HNRNPUL1: variants seen among roughly 807,000 people sequenced by gnomAD.
The protein encoded by HNRNPUL1 is heterogeneous nuclear ribonucleoprotein U-like protein 1.
In HNRNPUL1, 14 loss-of-function variants were observed where a neutral mutation model predicts 108.5. The ratio of observed to expected loss-of-function variants is 0.13; its 90% CI spans 0.09 to 0.20. HNRNPUL1 has a LOEUF of 0.20. Ranked by LOEUF, HNRNPUL1 falls within the 10% of genes least tolerant of loss-of-function variation. HNRNPUL1 has a pLI of 1.00. For missense variants in HNRNPUL1, 804 were observed against 1,168.3 expected (o/e 0.69, Z 4.55); for synonymous variants, 422 against 445.2 (o/e 0.95, Z 0.66).
At chr19:41,279,594 G>T (rs1706874011) in intron 6 of HNRNPUL1, among the ~76,000 whole-genome samples, 3 of 152,192 alleles carry the variant, frequency 2.0e-5, no homozygotes, top group African/African-American at 7.2e-5. Flanking sequence ...GCCAGGGCTA[G>T]TTGGGAGAGG....
chr19:41,306,534 G>T lies in HNRNPUL1; in HGVS notation c.2540G>T (p.Gly847Val), dbSNP rs1306477875. Reference sequence around the variant, plus strand: ...AACTACGACTACGGGAGCTACTCCGGGAACACACAGGGTGGCACAAGTACA... The same window carrying T: ...AACTACGACTACGGGAGCTACTCCGTGAACACACAGGGTGGCACAAGTACA... ...YGNYDYGSYS[G>V]NTQGGTSTQ The change falls in exon 15 of 15, where the codon GGG (glycine) becomes GTG (valine). Residue 847 changes from glycine to valine, a missense_variant. This residue lies in a region of HNRNPUL1 where 294 missense variants were observed against 388.3 expected (regional missense o/e 0.76). Coordinates refer to ENST00000392006, the MANE Select transcript of HNRNPUL1 (RefSeq NM_007040.6). The T allele has an allele frequency of 5.6e-6, 9 of 1,605,670 alleles. No individual in the cohort carries two copies. The highest frequency in any genetic ancestry group is 1.7e-4 in the Middle Eastern group (1 of 6,020).
In HNRNPUL1 at chr19:41,306,588, G is replaced by GC. The variant is rs1240255459; in HGVS notation, c.*23_*24insC. On this transcript the variant is annotated 3_prime_UTR_variant, in exon 15 of 15. Transcript: ENST00000392006. ...TAGCCAGTGTGACCCAGAGGCTCCCGGAGGCCCCTGCCGGCTTCCTCCACC... is the reference window on the plus strand; with the variant it reads ...TAGCCAGTGTGACCCAGAGGCTCCCGCGAGGCCCCTGCCGGCTTCCTCCACC... 1.4e-6 allele frequency: 2 copies of GC among 1,427,760 alleles called. No individual in the cohort carries two copies. The highest frequency in any genetic ancestry group is 1.9e-6 in the Non-Finnish European group (2 of 1,071,038). The allele number at this position is 1,427,760 out of a possible 1,614,324, so 88.4% of individuals were successfully genotyped here.
rs1395636349 is a variant in HNRNPUL1 at position 41,297,325 on chromosome 19, G to A, written c.1518+2639G>A. ...TTTCTGGAGGTGGAATGTCTGAGTC[G>A]GGGCACAGAGGATGATTAAAAGAGT... On this transcript the variant is annotated intron_variant, in intron 10 of 14. Coordinates refer to ENST00000392006, the MANE Select transcript of HNRNPUL1 (RefSeq NM_007040.6). 4.6e-5 allele frequency among the ~76,000 whole-genome samples: 7 copies of A among 152,194 alleles called. No homozygotes were observed. In the East Asian group the frequency reaches 1.2e-3, roughly 25 times the overall value.
rs57909999 is a variant in HNRNPUL1 at position 41,282,692 on chromosome 19, C to CT, written c.999+1432dup. ...TATGTGCATATTTTTTTCTTTTTTT[C>CT]TTTTTTTTTTTTTTTGAGACGGAGT... On this transcript the variant is annotated intron_variant, in intron 7 of 14. Transcript: ENST00000392006. 6.0e-3 allele frequency among the ~76,000 whole-genome samples: 855 copies of CT among 141,388 alleles called. 11 individuals carry two copies. The highest frequency in any genetic ancestry group is 0.014 in the East Asian group (69 of 4,908). 92.8% of individuals were successfully genotyped at this position (141,388 alleles called of 152,430 possible). A position where few individuals can be genotyped will look rare whatever the true frequency, so the allele number is the denominator to read the frequency against.
chr19:41,279,263 G>C (rs1189250053), intron 6 of HNRNPUL1, 87 bp downstream of exon 6: 1 of 903,934 alleles, frequency 1.1e-6, no homozygotes, highest in East Asian at 2.4e-5. Context: ...TCCTTTTCCA[G>C]CGTCAGACTT....
chr19:41,283,334 C>CT (rs1218012934), intron 7 of HNRNPUL1, among the ~76,000 whole-genome samples: 1 of 152,108 alleles, frequency 6.6e-6, no homozygotes, highest in Non-Finnish European at 1.5e-5. Flanking sequence ...AGGCTGGAGT[C>CT]TCGTGGCGCG....
At position 41,304,239 on chromosome 19, in the gene HNRNPUL1, T is replaced by C; in HGVS notation, c.2240T>C (p.Val747Ala). Residue 747 changes from valine (V) to alanine (A), a missense_variant, in exon 13 of 15, where the codon GTC (valine) becomes GCC (alanine). Transcript: ENST00000392006. ...GSSANTSTPT[V>A]SSYSPPQPSY... is the part of the protein sequence containing the mutation. Reference sequence around the variant, plus strand: ...AGCGCCAATACCAGCACCCCCACCGTCAGCAGCTACAGCCCTCCACAGGTG... The same window carrying C: ...AGCGCCAATACCAGCACCCCCACCGCCAGCAGCTACAGCCCTCCACAGGTG... 1 of 1,610,940 alleles carries C rather than the reference T, an allele frequency of 6.2e-7. No individual in the cohort carries two copies. The highest frequency in any genetic ancestry group is 8.5e-7 in the Non-Finnish European group (1 of 1,178,064).
intron 14 of HNRNPUL1, 115 bp downstream of exon 14, chr19:41,305,982 G>C: frequency 1.4e-6 from 1 of 721,384 alleles, no homozygotes; most frequent in South Asian, 1.9e-5. Flanking sequence ...TGCTGGCCTC[G>C]GCCTGGCGTT....
rs548898908 is a variant in HNRNPUL1, at chr19:41,306,239, G to A, written c.2455-210G>A. Among the ~76,000 whole-genome samples the A allele has an allele frequency of 1.2e-4, 19 of 152,324 alleles. No homozygotes were observed. The South Asian group carries it at 3.7e-3, about 30-fold the overall frequency. On this transcript the variant is annotated intron_variant, in intron 14 of 14. Transcript: ENST00000392006. ...TCTAGCTATACCCAAAAGGCACTGG[G>A]TTGACAAGCTGAGACCTGGGCTTCA...
chr19:41,291,734 A>T (rs1309493012), intron 7 of HNRNPUL1: 5 of 159,758 alleles, frequency 3.1e-5, no homozygotes, highest in African/African-American at 1.2e-4. Context: ...TATAATTCCA[A>T]CAGTTTGGCA....
chr19:41,272,216 G>A lies in HNRNPUL1; in HGVS notation c.553G>A (p.Glu185Lys). 6.2e-7 allele frequency: 1 copy of A among 1,613,760 alleles called. No homozygotes were observed. The highest frequency in any genetic ancestry group is 1.1e-5 in the South Asian group (1 of 91,046). ...YEENRGRGYFEHREDRRGRSP... is the reference protein window; with the variant it reads ...YEENRGRGYFKHREDRRGRSP... Reference sequence around the variant, plus strand: ...AGAAAACCGGGGACGGGGGTACTTTGAGCACCGAGAGGATAGGAGGTGGGT... The same window carrying A: ...AGAAAACCGGGGACGGGGGTACTTTAAGCACCGAGAGGATAGGAGGTGGGT... Residue 185 changes from glutamate (E) to lysine (K), a missense_variant, in exon 3 of 15, where the codon GAG becomes AAG. Physicochemically the swap from Glu to Lys is moderately conservative, Grantham distance 56. This residue lies in a region of HNRNPUL1 where 256 missense variants were observed against 261.6 expected (regional missense o/e 0.98). Coordinates refer to ENST00000392006, the MANE Select transcript of HNRNPUL1 (RefSeq NM_007040.6).
intron 7 of HNRNPUL1, among the ~76,000 whole-genome samples, chr19:41,288,540 G>T (rs968598403): frequency 3.3e-5 from 5 of 152,094 alleles, no homozygotes; most frequent in Non-Finnish European, 4.4e-5. Context: ...CACCATGCCC[G>T]GCCTTGGTGG....
chr19:41,305,618 A>C, intron 13 of HNRNPUL1, 58 bp from the exon 14 acceptor site: 3 of 1,606,858 alleles, frequency 1.9e-6, no homozygotes, highest in Non-Finnish European at 2.6e-6. Flanking sequence ...CCAGCATTTC[A>C]CATCTGCAGA....
intron 4 of HNRNPUL1, among the ~76,000 whole-genome samples, chr19:41,275,113 T>C (rs1039968869): frequency 1.3e-5 from 2 of 152,004 alleles, no homozygotes; most frequent in African/African-American, 4.8e-5. Context: ...ATGAAAGGAA[T>C]TAGGAGCCTA....
intron 12 of HNRNPUL1, 147 bp from the exon 13 acceptor site, chr19:41,303,825 A>T (rs1599858606): frequency 1.0e-6 from 1 of 964,228 alleles, no homozygotes; most frequent in Non-Finnish European, 1.5e-6. Context: ...GGTCTAGAGA[A>T]TCCCAGAGGA....
intron 1 of HNRNPUL1, chr19:41,265,473 C>G: frequency 1.7e-6 from 2 of 1,204,342 alleles, no homozygotes; most frequent in Non-Finnish European, 2.2e-6. Flanking sequence ...GGGGGCACCC[C>G]CATCTCTCTT....
intron 10 of HNRNPUL1, among the ~76,000 whole-genome samples, chr19:41,295,826 G>A (rs1290817858): frequency 1.3e-5 from 2 of 152,178 alleles, no homozygotes; most frequent in Non-Finnish European, 2.9e-5. Context: ...GCCAGAGACC[G>A]AGTTGCCTTC....
At chr19:41,281,123 A>G in intron 6 of HNRNPUL1, 40 bp from the exon 7 acceptor site, 1 of 1,314,698 alleles carries the variant, frequency 7.6e-7, no homozygotes, top group South Asian at 1.2e-5. Context: ...TGTTATGACC[A>G]TCGCAGGTTT....
At chr19:41,289,253 A>G (rs186063933) in intron 7 of HNRNPUL1, among the ~76,000 whole-genome samples, 3 of 152,222 alleles carry the variant, frequency 2.0e-5, no homozygotes, top group African/African-American at 7.2e-5. Flanking sequence ...AAAAAGGCTC[A>G]GGGTGAGGAG....
Sources: allele counts gnomAD v4.1 joint callset (sites outside exome capture counted in the v4.1 genomes callset), GRCh38; gene constraint gnomAD v4.1.1; regional missense constraint gnomAD v4.1.1; transcripts MANE v1.5; gene names NCBI Gene and HGNC (gene_info 2026-07-23, HGNC 2026-07-21).